Variants in ARHGEF18 observed in about 807,000 individuals in gnomAD.
ARHGEF18 encodes rho guanine nucleotide exchange factor 18.
ARHGEF18 carries 93 observed loss-of-function variants against 155.7 expected under a neutral mutation model. The observed-to-expected ratio is 0.60, with a 90% CI of 0.50 to 0.71. The LOEUF (loss-of-function observed/expected upper bound fraction) is 0.71, where lower values mean the gene tolerates loss of function less well. Among genes scored for constraint, ARHGEF18 ranks in the 30% least tolerant of loss-of-function variants. The pLI, the probability that ARHGEF18 is intolerant of heterozygous loss-of-function variation, is 0.00. For missense variants in ARHGEF18, 1,593 were observed against 1,816.1 expected, an observed-to-expected ratio of 0.88 and a Z score of 2.23; for synonymous variants, 742 against 753.1, an observed-to-expected ratio of 0.99 and a Z score of 0.24.
intron 5 of ARHGEF18, among the ~76,000 whole-genome samples, chr19:7,378,133 C>T (rs979040033): frequency 6.6e-6 from 1 of 152,138 alleles, no homozygotes; most frequent in African/African-American, 2.4e-5. Flanking sequence ...GTATCTCCTT[C>T]AGGCCACTTG....
chr19:7,424,693 C>T (rs1401858569), intron 10 of ARHGEF18, among the ~76,000 whole-genome samples: 1 of 152,136 alleles, frequency 6.6e-6, no homozygotes, highest in African/African-American at 2.4e-5. Context: ...TTGTACTATT[C>T]ATTAAGAAGG....
chr19:7,457,711 A>T (rs1975934304), intron 18 of ARHGEF18, among the ~76,000 whole-genome samples: 1 of 151,944 alleles, frequency 6.6e-6, no homozygotes, highest in African/African-American at 2.4e-5. Flanking sequence ...CCACATTCTG[A>T]GGTGCTAGGG....
intron 10 of ARHGEF18, among the ~76,000 whole-genome samples, chr19:7,403,681 G>T (rs1472447059): frequency 6.6e-6 from 1 of 151,872 alleles, no homozygotes; most frequent in Non-Finnish European, 1.5e-5. Flanking sequence ...GGCACTACAG[G>T]TGTGCGCCAC....
chr19:7,407,206 C>T (rs1459202986), intron 10 of ARHGEF18, among the ~76,000 whole-genome samples: 1 of 151,504 alleles, frequency 6.6e-6, no homozygotes, highest in Non-Finnish European at 1.5e-5. Context: ...GGGTGGATCA[C>T]CTGAGGTCAG....
chr19:7,397,561 G>A (rs552436920), intron 10 of ARHGEF18, among the ~76,000 whole-genome samples: 84 of 151,668 alleles, frequency 5.5e-4, no homozygotes, highest in African/African-American at 1.7e-3. Context: ...GTGAAACCCC[G>A]TCTCTACTAA....
At chr19:7,367,993 GA>G (rs1437580067) in intron 2 of ARHGEF18, among the ~76,000 whole-genome samples, 6 of 96,184 alleles carry the variant, frequency 6.2e-5, no homozygotes, top group African/African-American at 1.2e-4. Context: ...GAGAGAGAGA[GA>G]GAGAGAGGGA....
intron 1 of ARHGEF18, among the ~76,000 whole-genome samples, chr19:7,361,309 A>G (rs903824309): frequency 3.3e-5 from 5 of 152,140 alleles, no homozygotes; most frequent in African/African-American, 1.2e-4. Flanking sequence ...GTGGTGGTGC[A>G]TACGTGTAAT....
At chr19:7,423,796 T>C (rs1294179744) in intron 10 of ARHGEF18, among the ~76,000 whole-genome samples, 1 of 151,330 alleles carries the variant, frequency 6.6e-6, no homozygotes, top group Non-Finnish European at 1.5e-5. Context: ...AGAAATGTCA[T>C]GTATCAAGAT....
intron 2 of ARHGEF18, among the ~76,000 whole-genome samples, chr19:7,363,328 TG>T (rs1457044483): frequency 2.0e-5 from 3 of 151,046 alleles, no homozygotes; most frequent in Non-Finnish European, 4.4e-5. Context: ...TGTGGGTGAA[TG>T]GATAAATGGA....
intron 10 of ARHGEF18, among the ~76,000 whole-genome samples, chr19:7,437,199 T>C (rs36093070): frequency 0.4 from 60,808 of 151,398 alleles, 12,763 homozygotes; most frequent in East Asian, 0.59. Flanking sequence ...GAGGCCGAGG[T>C]GGGTGGATCA....
At chr19:7,349,402 C>T (rs1281462390) in intron 1 of ARHGEF18, among the ~76,000 whole-genome samples, 161 bp downstream of exon 1, 1 of 151,992 alleles carries the variant, frequency 6.6e-6, no homozygotes, top group Non-Finnish European at 1.5e-5. Context: ...GCTGTTTGAC[C>T]CTTGCGTTCA....
chr19:7,459,953 A>G lies in ARHGEF18; in HGVS notation c.2411A>G (p.Lys804Arg). 6.3e-7 allele frequency: 1 copy of G among 1,591,562 alleles called. No individual in the cohort carries two copies. Among genetic ancestry groups the G allele is most frequent in the Non-Finnish European group, 8.6e-7 (1 of 1,169,026 alleles). The change falls in exon 20 of 29, where the codon AAG becomes AGG. Residue 804 changes from lysine (K) to arginine (R), a missense_variant. By Grantham distance (26) the Lys-to-Arg change is conservative. Coordinates refer to ENST00000668164, the MANE Select transcript of ARHGEF18 (RefSeq NM_001367823.1). ...GPFSLPEEER[K>R]VVEARATRLR... Reference sequence around the variant, plus strand: ...TTCAGCCTGCCCGAAGAGGAAAGGAAGGTGGTCGAGGCCCGCGCCACGAGA... The same window carrying G: ...TTCAGCCTGCCCGAAGAGGAAAGGAGGGTGGTCGAGGCCCGCGCCACGAGA...
At position 7,463,696 on chromosome 19, in the gene ARHGEF18, G is replaced by T; in HGVS notation, c.2636-122G>T. 8.2e-7 allele frequency: 1 copy of T among 1,222,278 alleles called. No homozygotes were observed. Among genetic ancestry groups the T allele is most frequent in the Non-Finnish European group, 1.1e-6 (1 of 890,872 alleles). 75.7% of individuals were successfully genotyped at this position (1,222,278 alleles called of 1,614,324 possible). A position where few individuals can be genotyped will look rare whatever the true frequency, so the allele number is the denominator to read the frequency against. The stretch of plus-strand genomic sequence containing the variant: ...GAAATCCCACGGCACACAGAAGGGG[G>T]CAGGCGATCACCACCCCAGTGAGTC... On this transcript the variant is annotated intron_variant, in intron 21 of 28. Coordinates refer to ENST00000668164, the MANE Select transcript of ARHGEF18 (RefSeq NM_001367823.1). This position sits in a 1 kb window ranked among gnomAD's most constrained non-coding sequence, Gnocchi z 5.2.
Position 7,444,312 on chromosome 19 carries a change from G to A in ARHGEF18, c.1469G>A (p.Arg490His), listed in dbSNP as rs960519789. 6.8e-6 allele frequency: 11 copies of A among 1,613,508 alleles called. No individual in the cohort carries two copies. In the South Asian group the frequency reaches 8.8e-5, roughly 13 times the overall value. ...ELQFSSKAIG[R>H]LFPCADDLLE... Reference sequence around the variant, plus strand: ...CAGTTCAGCAGCAAGGCCATTGGCCGCCTCTTCCCATGCGCTGACGACCTG... The same window carrying A: ...CAGTTCAGCAGCAAGGCCATTGGCCACCTCTTCCCATGCGCTGACGACCTG... The change falls in exon 14 of 29, where the codon CGC becomes CAC. Residue 490 changes from arginine (R) to histidine (H), a missense_variant. Transcript: ENST00000668164. The surrounding 1 kb of genome is among the most constrained non-coding windows in gnomAD (Gnocchi z 4.7).
At position 7,422,472 on chromosome 19, in the gene ARHGEF18, A is replaced by G. The variant is rs186879136; in HGVS notation, c.968-17872A>G. ...TCCTATCCTGGAATGACTTTCCCTC[A>G]TCCTTCTTTCTTCTAATGACCTCCT... On this transcript the variant is annotated intron_variant, in intron 10 of 28. Transcript: ENST00000668164. Among the ~76,000 whole-genome samples the G allele has an allele frequency of 3.6e-4, 54 of 150,588 alleles. No individual in the cohort carries two copies. In the East Asian group the frequency reaches 0.01, roughly 29 times the overall value.
chr19:7,440,129 G>A lies in ARHGEF18; in HGVS notation c.968-215G>A, dbSNP rs1012091004. On this transcript the variant is annotated intron_variant, in intron 10 of 28. Coordinates refer to ENST00000668164, the MANE Select transcript of ARHGEF18 (RefSeq NM_001367823.1). The surrounding 1 kb of genome is among the most constrained non-coding windows in gnomAD (Gnocchi z 5.4). The stretch of plus-strand genomic sequence containing the variant: ...TGGGGAATGCGCACTCCAAAAGCGG[G>A]GACAGGCACAGCGCGCTCCCCGGCC... The A allele has an allele frequency of 3.2e-5, 49 of 1,551,020 alleles. No homozygotes were observed. The highest frequency in any genetic ancestry group is 4.1e-5 in the Non-Finnish European group (47 of 1,146,880).
chr19:7,470,348 C>T lies in ARHGEF18; in HGVS notation c.*50C>T. 1 of 1,398,552 alleles carries T rather than the reference C, an allele frequency of 7.2e-7. No homozygotes were observed. The highest frequency in any genetic ancestry group is 9.3e-7 in the Non-Finnish European group (1 of 1,071,034). 86.6% of individuals were successfully genotyped at this position (1,398,552 alleles called of 1,614,324 possible). A position where few individuals can be genotyped will look rare whatever the true frequency, so the allele number is the denominator to read the frequency against. On this transcript the variant is annotated 3_prime_UTR_variant, in exon 29 of 29. Transcript: ENST00000668164. The surrounding 1 kb of genome is among the most constrained non-coding windows in gnomAD (Gnocchi z 5.9). ...GCCCCTCCCTGCCCTGCCCACCCTT[C>T]CTGCTCTCTGGGGACCCCCATGGGG...
intron 10 of ARHGEF18, among the ~76,000 whole-genome samples, chr19:7,433,664 T>C (rs1286078463): frequency 6.6e-6 from 1 of 152,042 alleles, no homozygotes; most frequent in African/African-American, 2.4e-5. Flanking sequence ...GGACAAAGCC[T>C]GTGGCTTACA....
downstream of ARHGEF18, among the ~76,000 whole-genome samples, chr19:7,474,752 G>GGAGT (rs936763870): frequency 5.8e-5 from 6 of 103,110 alleles, no homozygotes; most frequent in African/African-American, 3.8e-4. Context: ...GGTGGGCATT[G>GGAGT]GAGTGTGTGT....
Sources: allele counts gnomAD v4.1 joint callset (sites outside exome capture counted in the v4.1 genomes callset), GRCh38; gene constraint gnomAD v4.1.1; non-coding constraint Gnocchi (gnomAD v3.1); transcripts MANE v1.5; gene names NCBI Gene and HGNC (gene_info 2026-07-23, HGNC 2026-07-21).